The following ST7L variants were observed in gnomAD, a reference collection of about 807,000 sequenced individuals.
The protein encoded by ST7L is suppressor of tumorigenicity 7 protein-like.
A neutral mutation model predicts 72.5 loss-of-function variants in ST7L; 57 were observed. The observed-to-expected ratio is 0.79, with a 90% CI of 0.64 to 0.98. The LOEUF is 0.98. Among genes scored for constraint, ST7L ranks in the 50% least tolerant of loss-of-function variants. The pLI is 0.00. For missense variants in ST7L, 576 were observed against 672.2 expected, an observed-to-expected ratio of 0.86 and a Z score of 1.58; for synonymous variants, 221 against 240.9, an observed-to-expected ratio of 0.92 and a Z score of 0.77.
intron 11 of ST7L, among the ~76,000 whole-genome samples, chr1:112,558,104 CAG>C (rs1659495648): frequency 6.6e-6 from 1 of 152,064 alleles, no homozygotes; most frequent in Admixed American, 6.6e-5. Flanking sequence ...AGACTGAGAC[CAG>C]AATGCACTTG....
intron 14 of ST7L, chr1:112,540,624 G>A: frequency 1.0e-6 from 1 of 985,308 alleles, no homozygotes; most frequent in African/African-American, 1.7e-5. Context: ...TGACCTTCAG[G>A]GAAAAAGGGA....
Position 112,582,072 on chromosome 1 carries a change from T to C in ST7L, c.989A>G (p.Asn330Ser), listed in dbSNP as rs1367072612. The C allele has an allele frequency of 6.2e-7, 1 of 1,613,238 alleles. No individual in the cohort carries two copies. Among genetic ancestry groups the C allele is most frequent in the East Asian group, 2.2e-5 (1 of 44,766 alleles). ...TGATTCTAAGAGATTTTCATGGATG[T>C]TCAACATGGTAAGAGGAGGAAATTC... is the stretch of plus-strand genomic sequence containing the variant. Reference protein sequence around the residue: ...MKEFPPLTMLNIHENLLESLL... With the variant: ...MKEFPPLTMLSIHENLLESLL... The change falls in exon 9 of 15, where the codon AAC becomes AGC. Residue 330 changes from asparagine (N) to serine (S), a missense_variant. Transcript: ENST00000358039.
At chr1:112,619,175 G>C, upstream of ST7L, 1 of 1,523,032 alleles carries the variant, frequency 6.6e-7, no homozygotes. Flanking sequence ...CGGGAGTCGG[G>C]AATCCTGGGA....
In ST7L at chr1:112,540,501, T is replaced by C. The variant is rs776066205; in HGVS notation, c.1629+1450A>G. ...ATAGTCAGTTTCCAAACCAAATAGC[T>C]ATACTCCCTGAACAACAGTGGAAAG... On this transcript the variant is annotated intron_variant, in intron 14 of 14. Transcript: ENST00000358039. 3.5e-5 allele frequency: 34 copies of C among 985,300 alleles called. No homozygotes were observed. In the Admixed American group the frequency reaches 4.3e-4, roughly 12 times the overall value. The allele number at this position is 985,300 out of a possible 1,614,324, so 61.0% of individuals were successfully genotyped here.
chr1:112,553,233 A>AACACACACAC (rs71584746), intron 12 of ST7L, among the ~76,000 whole-genome samples: 19 of 149,490 alleles, frequency 1.3e-4, no homozygotes, highest in East Asian at 4.0e-4. Context: ...CTTTTCTTTA[A>AACACACACAC]ACACACACAC....
downstream of ST7L, among the ~76,000 whole-genome samples, chr1:112,519,709 A>C (rs1286414615): frequency 6.6e-6 from 1 of 152,196 alleles, no homozygotes; most frequent in Non-Finnish European, 1.5e-5. Flanking sequence ...CATGGTAATC[A>C]GTTCACCTCT....
At chr1:112,588,542 T>C (rs1358553401) in intron 6 of ST7L, among the ~76,000 whole-genome samples, 2 of 152,190 alleles carry the variant, frequency 1.3e-5, no homozygotes, top group Non-Finnish European at 2.9e-5. Context: ...GGTCATGTAG[T>C]TCTTGTCTTT....
chr1:112,584,408 C>A (rs1664580387), intron 6 of ST7L, among the ~76,000 whole-genome samples: 1 of 150,086 alleles, frequency 6.7e-6, no homozygotes, highest in African/African-American at 2.4e-5. Flanking sequence ...GACCCATTGT[C>A]CTGTGTTTTC....
At chr1:112,566,291 C>CT (rs1557989059) in intron 11 of ST7L, among the ~76,000 whole-genome samples, 20 of 110,226 alleles carry the variant, frequency 1.8e-4, no homozygotes, top group African/African-American at 3.7e-4. Flanking sequence ...TCTTTTTCTT[C>CT]TTCTTCTTTT....
At chr1:112,548,366 C>CA (rs1557960449) in intron 13 of ST7L, among the ~76,000 whole-genome samples, 1 of 151,586 alleles carries the variant, frequency 6.6e-6, no homozygotes, top group South Asian at 2.1e-4. Flanking sequence ...TCTCAAAAAA[C>CA]AAAAAAAGAA....
chr1:112,550,014 CAGA>C (rs1657849453), intron 13 of ST7L, among the ~76,000 whole-genome samples: 1 of 152,056 alleles, frequency 6.6e-6, no homozygotes, highest in Non-Finnish European at 1.5e-5. Context: ...GAATGAGAGC[CAGA>C]TTTTGTCAAA....
Position 112,556,989 on chromosome 1 carries a change from A to C in ST7L, c.1246-971T>G, listed in dbSNP as rs538918032. Among the ~76,000 whole-genome samples, 415 of 143,202 alleles carry C rather than the reference A, an allele frequency of 2.9e-3. 2 individuals carry two copies. Among genetic ancestry groups the C allele is most frequent in the Non-Finnish European group, 4.8e-3 (321 of 67,092 alleles). 93.9% of individuals were successfully genotyped at this position (143,202 alleles called of 152,430 possible). A position where few individuals can be genotyped will look rare whatever the true frequency, so the allele number is the denominator to read the frequency against. ...CTCAAAAAAAAAAAAAAAAAACAAA[A>C]AAAAAAAAACACAAAGAAAAGAAAA... On this transcript the variant is annotated intron_variant, in intron 11 of 14. Coordinates refer to ENST00000358039, the MANE Select transcript of ST7L (RefSeq NM_017744.5).
chr1:112,540,732 C>G lies in ST7L; in HGVS notation c.1629+1219G>C, dbSNP rs1308326976. ...GGCAGAAAAAGAAACTGTGAGGAAA[C>G]AAGTTAGAATGGAGGCATATAGAGA... On this transcript the variant is annotated intron_variant, in intron 14 of 14. Coordinates refer to ENST00000358039, the MANE Select transcript of ST7L (RefSeq NM_017744.5). 13 of 1,224,332 alleles carry G rather than the reference C, an allele frequency of 1.1e-5. No homozygotes were observed. The Admixed American group carries it at 4.5e-4, about 42-fold the overall frequency. 75.8% of individuals were successfully genotyped at this position (1,224,332 alleles called of 1,614,324 possible). A position where few individuals can be genotyped will look rare whatever the true frequency, so the allele number is the denominator to read the frequency against.
intron 11 of ST7L, among the ~76,000 whole-genome samples, chr1:112,556,430 A>G (rs1659125921): frequency 6.6e-6 from 1 of 152,224 alleles, no homozygotes; most frequent in Admixed American, 6.5e-5. Context: ...TAAATATAAA[A>G]ATTATGAAAT....
downstream of ST7L, chr1:112,520,236 T>C (rs1285593052): frequency 3.2e-6 from 5 of 1,566,922 alleles, no homozygotes; most frequent in Non-Finnish European, 3.5e-6. Flanking sequence ...CCAGGGCAGC[T>C]GAAGAGATAA....
At chr1:112,619,286 AC>A, upstream of ST7L, 1 of 643,300 alleles carries the variant, frequency 1.6e-6, no homozygotes, top group South Asian at 1.9e-5. Flanking sequence ...GATTGGGGCT[AC>A]CTGTTCTTTC....
chr1:112,525,402 G>A lies in ST7L; in HGVS notation c.*611C>T, dbSNP rs949100287. 1 of 152,246 alleles carries A rather than the reference G, an allele frequency of 6.6e-6. No individual in the cohort carries two copies. 9.4% of individuals were successfully genotyped at this position (152,246 alleles called of 1,614,324 possible). ...GGCAGGTATAGGGCAATAGCCAGTG[G>A]GGTGTCAGTAATATGCCCTGTCCCT... is the stretch of plus-strand genomic sequence containing the variant. On this transcript the variant is annotated 3_prime_UTR_variant, in exon 15 of 15. Coordinates refer to ENST00000358039, the MANE Select transcript of ST7L (RefSeq NM_017744.5).
At chr1:112,541,340 T>C (rs1656071579) in intron 14 of ST7L, among the ~76,000 whole-genome samples, 1 of 150,684 alleles carries the variant, frequency 6.6e-6, no homozygotes, top group South Asian at 2.1e-4. Flanking sequence ...AGTCCTCAAG[T>C]GTTAACTGGT....
At chr1:112,589,993 A>G (rs542210710) in intron 6 of ST7L, among the ~76,000 whole-genome samples, 2 of 152,140 alleles carry the variant, frequency 1.3e-5, no homozygotes, top group Non-Finnish European at 2.9e-5. Context: ...TGGTTTGTCT[A>G]TTGTTTGTCC....
Sources: gnomAD v4.1 joint callset for allele counts (sites outside exome capture counted in the v4.1 genomes callset) on GRCh38, gnomAD v4.1.1 for gene constraint, MANE v1.5 for transcripts, NCBI Gene and HGNC (gene_info 2026-07-23, HGNC 2026-07-21) for gene names.